The following PARD3B variants were observed in gnomAD, a reference collection of about 807,000 sequenced individuals.
PARD3B encodes the protein partitioning defective 3 homolog B.
In PARD3B, 103 loss-of-function variants were observed where a neutral mutation model predicts 130.2. The ratio of observed to expected loss-of-function variants is 0.79; its 90% confidence interval spans 0.67 to 0.93. The LOEUF is 0.93. Ranked by LOEUF, PARD3B falls within the 40% of genes least tolerant of loss-of-function variation. PARD3B has a pLI of 0.00. For synonymous variants in PARD3B, 583 were observed against 553.2 expected, an observed-to-expected ratio of 1.05 and a Z score of -0.76; for missense variants, 1,609 against 1,499.2, an observed-to-expected ratio of 1.07 and a Z score of -1.21.
At chr2:204,634,304 T>A (rs1461505056) in intron 1 of PARD3B, among the ~76,000 whole-genome samples, 1 of 152,238 alleles carries the variant, frequency 6.6e-6, no homozygotes, top group Non-Finnish European at 1.5e-5. Context: ...CCATTCATGT[T>A]GTTGCAAATA....
chr2:205,139,465 A>G (rs2032766196), intron 10 of PARD3B, among the ~76,000 whole-genome samples: 1 of 152,174 alleles, frequency 6.6e-6, no homozygotes, highest in South Asian at 2.1e-4. Context: ...CTGGGCGTAT[A>G]TTTTCAGTGT....
intron 18 of PARD3B, among the ~76,000 whole-genome samples, chr2:205,310,719 C>CTTTTTTTTTTTTTTTTTTTTT (rs34032930): frequency 1.7e-4 from 14 of 82,592 alleles, no homozygotes; most frequent in African/African-American, 5.9e-4. Context: ...TTCTTTCTTT[C>CTTTTTTTTTTTTTTTTTTTTT]TTTTTTTTTT....
intron 21 of PARD3B, among the ~76,000 whole-genome samples, chr2:205,537,365 A>C (rs1441541314): frequency 6.6e-6 from 1 of 152,222 alleles, no homozygotes; most frequent in African/African-American, 2.4e-5. Flanking sequence ...TTTGCATAGA[A>C]ATAATCATGG....
At chr2:205,234,305 G>A (rs1279602505) in intron 15 of PARD3B, among the ~76,000 whole-genome samples, 1 of 152,130 alleles carries the variant, frequency 6.6e-6, no homozygotes, top group Non-Finnish European at 1.5e-5. Context: ...GGGCGCCACA[G>A]CAAGTCCCAC....
At chr2:205,432,363 G>A (rs752431946) in intron 19 of PARD3B, among the ~76,000 whole-genome samples, 3 of 152,038 alleles carry the variant, frequency 2.0e-5, no homozygotes, top group Non-Finnish European at 2.9e-5. Flanking sequence ...TTCACTGCTC[G>A]CAACCTCTAG....
At chr2:204,809,791 A>G (rs2125520383) in intron 2 of PARD3B, among the ~76,000 whole-genome samples, 2 of 152,278 alleles carry the variant, frequency 1.3e-5, no homozygotes, top group South Asian at 4.1e-4. Context: ...TGTCATTGGT[A>G]GTTTGATAGG....
At chr2:205,029,522 A>T (rs1271259599) in intron 3 of PARD3B, among the ~76,000 whole-genome samples, 1 of 152,202 alleles carries the variant, frequency 6.6e-6, no homozygotes, top group Non-Finnish European at 1.5e-5. Flanking sequence ...TATATAGATG[A>T]ATGGATTACG....
chr2:205,344,788 T>C (rs1381603902), intron 18 of PARD3B, among the ~76,000 whole-genome samples: 1 of 152,164 alleles, frequency 6.6e-6, no homozygotes, highest in Non-Finnish European at 1.5e-5. Flanking sequence ...AATTGGACTA[T>C]ATGTGAAATT....
intron 11 of PARD3B, among the ~76,000 whole-genome samples, chr2:205,169,424 A>C (rs1204838908): frequency 6.6e-6 from 1 of 152,210 alleles, no homozygotes; most frequent in African/African-American, 2.4e-5. Context: ...AAAAAAATAA[A>C]AAATAAAAAG....
chr2:204,706,210 A>G (rs2038143417), intron 2 of PARD3B, among the ~76,000 whole-genome samples: 1 of 151,994 alleles, frequency 6.6e-6, no homozygotes, highest in Non-Finnish European at 1.5e-5. Context: ...TACTAAAAAT[A>G]CAAAAAATTA....
intron 2 of PARD3B, among the ~76,000 whole-genome samples, chr2:204,936,143 A>G (rs1688435528): frequency 6.6e-6 from 1 of 152,360 alleles, no homozygotes; most frequent in African/African-American, 2.4e-5. Flanking sequence ...CCCAGAACAC[A>G]GTTTTACTCC....
chr2:205,123,398 C>T (rs1424721146), intron 8 of PARD3B, among the ~76,000 whole-genome samples: 1 of 152,030 alleles, frequency 6.6e-6, no homozygotes, highest in African/African-American at 2.4e-5. Context: ...ATGATGACAT[C>T]TAGGAAGCTG....
At chr2:204,557,924 G>C (rs907549743) in intron 1 of PARD3B, 1 of 152,166 alleles carries the variant, frequency 6.6e-6, no homozygotes, top group Non-Finnish European at 1.5e-5. Flanking sequence ...GCAGTCTCTT[G>C]TGTTTGAATA....
intron 2 of PARD3B, among the ~76,000 whole-genome samples, chr2:204,835,344 C>A (rs1354722817): frequency 6.6e-6 from 1 of 152,194 alleles, no homozygotes; most frequent in African/African-American, 2.4e-5. Context: ...ACTGAGATAT[C>A]ACTGAAGCAT....
At chr2:205,053,097 T>G (rs1428924609) in intron 4 of PARD3B, among the ~76,000 whole-genome samples, 1 of 152,084 alleles carries the variant, frequency 6.6e-6, no homozygotes, top group Non-Finnish European at 1.5e-5. Context: ...TCTCTTTAAG[T>G]CTTGCTAAGA....
chr2:204,895,024 T>G (rs1403660506), intron 2 of PARD3B, among the ~76,000 whole-genome samples: 1 of 150,046 alleles, frequency 6.7e-6, no homozygotes, highest in African/African-American at 2.5e-5. Flanking sequence ...ATAGATTTTT[T>G]GAAAAGTAGA....
At chr2:205,424,765 A>G (rs1282633213) in intron 19 of PARD3B, among the ~76,000 whole-genome samples, 1 of 152,214 alleles carries the variant, frequency 6.6e-6, no homozygotes, top group African/African-American at 2.4e-5. Context: ...ATTCTTTTCC[A>G]GATAATGATA....
intron 2 of PARD3B, among the ~76,000 whole-genome samples, chr2:204,814,820 C>T (rs73982531): frequency 0.012 from 1,892 of 151,792 alleles, 42 homozygotes; most frequent in African/African-American, 0.044. Flanking sequence ...ATTTTCTGCT[C>T]TTAGTGAGAT....
chr2:205,038,003 A>T (rs1268217991), intron 3 of PARD3B, among the ~76,000 whole-genome samples: 3 of 152,124 alleles, frequency 2.0e-5, no homozygotes, highest in Non-Finnish European at 4.4e-5. Context: ...GATTGTTTAT[A>T]ATTATTGGGA....
Sources: allele counts gnomAD v4.1 joint callset (sites outside exome capture counted in the v4.1 genomes callset), GRCh38; gene constraint gnomAD v4.1.1; transcripts MANE v1.5; gene names NCBI Gene and HGNC (gene_info 2026-07-23, HGNC 2026-07-21).